Variants in ARHGEF4 observed in about 807,000 individuals in gnomAD.
ARHGEF4 encodes APC-stimulated guanine nucleotide exchange factor 1.
A neutral mutation model predicts 162.0 loss-of-function variants in ARHGEF4; 119 were observed. That is an observed-to-expected ratio of 0.73 (90% CI 0.63 to 0.86). The LOEUF is 0.86. ARHGEF4 is among the 40% of genes least tolerant of loss of function. ARHGEF4 has a pLI of 0.00. For missense variants in ARHGEF4, 2,488 were observed against 2,456.0 expected (o/e 1.01, Z -0.28); for synonymous variants, 1,014 against 979.9 (o/e 1.03, Z -0.65).
At chr2:131,040,503 A>G (rs1332201859) in intron 8 of ARHGEF4, 63 bp downstream of exon 8, 6 of 1,468,760 alleles carry the variant, frequency 4.1e-6, no homozygotes, top group Non-Finnish European at 5.4e-6. Context: ...CGCGGGCGCC[A>G]GCGCGGACAG....
At chr2:131,021,085 A>G (rs1689097459) in intron 4 of ARHGEF4, among the ~76,000 whole-genome samples, 1 of 152,122 alleles carries the variant, frequency 6.6e-6, no homozygotes, top group African/African-American at 2.4e-5. Flanking sequence ...TCTGGATATT[A>G]GCCCTTTGTC....
intron 1 of ARHGEF4, among the ~76,000 whole-genome samples, chr2:130,840,932 A>G (rs373924108): frequency 6.6e-6 from 1 of 152,184 alleles, no homozygotes; most frequent in African/African-American, 2.4e-5. Context: ...TTTTGGGTCT[A>G]TTGAGAGATC....
chr2:130,897,516 C>G (rs769530881), intron 1 of ARHGEF4, among the ~76,000 whole-genome samples: 1 of 152,192 alleles, frequency 6.6e-6, no homozygotes, highest in Non-Finnish European at 1.5e-5. Flanking sequence ...CCAGGGCCAA[C>G]CTGGAGCAGC....
rs191696495 is a variant in ARHGEF4, at chr2:130,974,034, C to A, written c.3985+27399C>A. Among the ~76,000 whole-genome samples the A allele has an allele frequency of 3.9e-5, 6 of 151,964 alleles. No individual in the cohort carries two copies. In the East Asian group the frequency reaches 1.2e-3, roughly 29 times the overall value. ...CCTGTAATCCCAGCACTTTGGGAGG[C>A]TGAGTAGGACAGATCCCTTGAGTTC... is the stretch of plus-strand genomic sequence containing the variant. On this transcript the variant is annotated intron_variant, in intron 4 of 13. Coordinates refer to ENST00000409359, the MANE Select transcript of ARHGEF4 (RefSeq NM_001367493.1).
chr2:130,958,907 G>C (rs1204963052), intron 4 of ARHGEF4, among the ~76,000 whole-genome samples: 1 of 151,620 alleles, frequency 6.6e-6, no homozygotes, highest in African/African-American at 2.4e-5. Context: ...ATGTTGAATG[G>C]CTGTGCTCAT....
Position 130,915,968 on chromosome 2 carries a change from C to G in ARHGEF4, c.2022C>G (p.Pro674=), listed in dbSNP as rs1208615659. The G allele has an allele frequency of 3.9e-6, 6 of 1,550,414 alleles. No homozygotes were observed. In the East Asian group the frequency reaches 1.5e-4, roughly 38 times the overall value. Residue 674 remains proline, a synonymous_variant, in exon 2 of 14, where the codon CCC becomes CCG. Transcript: ENST00000409359. ...PESPLSTGET[P]CESPTRGKTP... ...CTCCCTTGAGCACTGGCGAGACCCC[C>G]TGTGAGTCTCCCACTAGGGGGAAAA...
rs1451099254 is a variant in ARHGEF4, at chr2:130,916,956, T to C, written c.3010T>C (p.Trp1004Arg). The part of the protein sequence containing the change: ...DKEGYVFSDH[W>R]APPLASTPLS... ...AGAGGGCTATGTTTTTAGCGATCAC[T>C]GGGCACCCCCACTTGCCTCCACACC... Residue 1004 changes from tryptophan to arginine, a missense_variant, in exon 2 of 14, where the codon TGG becomes CGG. Trp to Arg is a moderately radical substitution (Grantham distance 101, BLOSUM62 -3). Coordinates refer to ENST00000409359, the MANE Select transcript of ARHGEF4 (RefSeq NM_001367493.1). The C allele has an allele frequency of 6.4e-7, 1 of 1,550,864 alleles. No homozygotes were observed. Among genetic ancestry groups the C allele is most frequent in the Non-Finnish European group, 8.7e-7 (1 of 1,147,060 alleles).
intron 4 of ARHGEF4, chr2:130,946,956 G>T (rs6720639): frequency 0.62 from 148,221 of 240,410 alleles, 51,227 homozygotes; most frequent in East Asian, 0.84. Context: ...TACAGGCCGG[G>T]TGCGGTGGCT....
chr2:131,006,965 T>C (rs1020835240), intron 4 of ARHGEF4, among the ~76,000 whole-genome samples: 3 of 152,242 alleles, frequency 2.0e-5, no homozygotes, highest in Non-Finnish European at 4.4e-5. Context: ...TTGGTCACCC[T>C]GTGGCTTAAG....
chr2:130,957,087 C>G (rs955326621), intron 4 of ARHGEF4, among the ~76,000 whole-genome samples: 15 of 151,980 alleles, frequency 9.9e-5, no homozygotes, highest in Admixed American at 3.9e-4. Context: ...TTCTCAATTC[C>G]TTTACATACC....
At chr2:130,889,825 A>T (rs1475431940) in intron 1 of ARHGEF4, among the ~76,000 whole-genome samples, 1 of 151,900 alleles carries the variant, frequency 6.6e-6, no homozygotes, top group Non-Finnish European at 1.5e-5. Context: ...AAAAAAAAAA[A>T]AAAAAAAGTA....
intron 1 of ARHGEF4, among the ~76,000 whole-genome samples, chr2:130,879,777 T>C (rs55896542): frequency 0.017 from 2,524 of 149,536 alleles, 62 homozygotes; most frequent in African/African-American, 0.059. Context: ...TCTTTATTTT[T>C]TTATTTTTTT....
At chr2:130,864,406 G>A (rs1368315914) in intron 1 of ARHGEF4, among the ~76,000 whole-genome samples, 1 of 152,020 alleles carries the variant, frequency 6.6e-6, no homozygotes, top group African/African-American at 2.4e-5. Flanking sequence ...AGTGTTGAAG[G>A]GGAGTGGGGA....
chr2:131,032,399 C>T (rs989770888), intron 5 of ARHGEF4, among the ~76,000 whole-genome samples: 2 of 152,000 alleles, frequency 1.3e-5, no homozygotes, highest in Non-Finnish European at 2.9e-5. Flanking sequence ...GTTCCCGTGC[C>T]GCTGGACATC....
chr2:130,960,398 T>C (rs1177861368), intron 4 of ARHGEF4, among the ~76,000 whole-genome samples: 1 of 152,220 alleles, frequency 6.6e-6, no homozygotes, highest in Non-Finnish European at 1.5e-5. Context: ...CCTACAGTAT[T>C]CAGTACAGTA....
intron 11 of ARHGEF4, chr2:131,043,812 T>C: frequency 1.7e-6 from 1 of 578,158 alleles, no homozygotes; most frequent in Non-Finnish European, 3.1e-6. Flanking sequence ...GAGAGCATGA[T>C]CTTTCCTGAC....
In ARHGEF4 at chr2:130,916,179, G is replaced by A; in HGVS notation, c.2233G>A (p.Gly745Arg). ...ACTGCGTGGGGAGAGCCGGAGCTCC[G>A]GGTCAGGGGAGCGTGGCCCGGAGGA... Reference protein sequence around the residue: ...ERLRGESRSSGSGERGPEEAP... With the variant: ...ERLRGESRSSRSGERGPEEAP... Residue 745 changes from glycine (G) to arginine (R), a missense_variant, in exon 2 of 14, where the codon GGG becomes AGG. Transcript: ENST00000409359. 1.9e-6 allele frequency: 3 copies of A among 1,548,510 alleles called. No individual in the cohort carries two copies. Among genetic ancestry groups the A allele is most frequent in the East Asian group, 2.4e-5 (1 of 40,880 alleles).
intron 4 of ARHGEF4, among the ~76,000 whole-genome samples, chr2:130,971,575 T>A (rs1685372231): frequency 6.6e-6 from 1 of 150,802 alleles, no homozygotes; most frequent in Non-Finnish European, 1.5e-5. Flanking sequence ...GGAGAATTGG[T>A]TGAACTTGTG....
intron 1 of ARHGEF4, among the ~76,000 whole-genome samples, chr2:130,881,745 G>A (rs773548441): frequency 1.3e-5 from 2 of 152,124 alleles, no homozygotes; most frequent in East Asian, 1.9e-4. Flanking sequence ...CGGCCCTTGC[G>A]TGGGCGAGAT....
Sources: gnomAD v4.1 joint callset for allele counts (sites outside exome capture counted in the v4.1 genomes callset) on GRCh38, gnomAD v4.1.1 for gene constraint, MANE v1.5 for transcripts, NCBI Gene and HGNC (gene_info 2026-07-23, HGNC 2026-07-21) for gene names.